NFKBIB: variants seen among roughly 807,000 people sequenced by gnomAD.
NFKBIB encodes the protein NF-kappa-B inhibitor beta.
Under a neutral mutation model 32.1 loss-of-function variants are expected in NFKBIB, and 16 were observed. The ratio of observed to expected loss-of-function variants is 0.50; its 90% CI spans 0.34 to 0.76. NFKBIB has a LOEUF of 0.76. Among genes scored for constraint, NFKBIB ranks in the 30% least tolerant of loss-of-function variants. NFKBIB has a pLI of 0.01. For synonymous variants in NFKBIB, 222 were observed against 219.5 expected (o/e 1.01, Z -0.10); for missense variants, 437 against 514.9 (o/e 0.85, Z 1.46).
At chr19:38,903,793 G>A (rs201606607) in intron 1 of NFKBIB, among the ~76,000 whole-genome samples, 1 of 151,840 alleles carries the variant, frequency 6.6e-6, no homozygotes, top group Non-Finnish European at 1.5e-5. Context: ...TCTTGAGGCC[G>A]GGCGCCGTGG....
intron 5 of NFKBIB, chr19:38,908,032 G>A (rs1216852209): frequency 1.0e-5 from 11 of 1,102,220 alleles, no homozygotes; most frequent in African/African-American, 4.9e-5. Context: ...TTTGAACACC[G>A]GCAGTGCTGG....
chr19:38,900,143 C>T lies in NFKBIB; in HGVS notation c.111C>T (p.Gly37=). Residue 37 remains glycine, a synonymous_variant, in exon 1 of 6, where the codon GGC becomes GGT. Transcript: ENST00000313582. ...DAAAPGGPGL[G]AELGPGLSWA... ...CGGCCCCCGGAGGACCTGGGTTGGGCGCGGAGTTGGGCCCGGGGCTGTCGT... is the reference window on the plus strand; with the variant it reads ...CGGCCCCCGGAGGACCTGGGTTGGGTGCGGAGTTGGGCCCGGGGCTGTCGT... 6.3e-7 allele frequency: 1 copy of T among 1,596,674 alleles called. No homozygotes were observed. The highest frequency in any genetic ancestry group is 8.5e-7 in the Non-Finnish European group (1 of 1,174,168).
chr19:38,899,782 G>A, upstream of NFKBIB: 3 of 674,584 alleles, frequency 4.4e-6, no homozygotes, highest in Non-Finnish European at 7.6e-6. Flanking sequence ...CCCAGAAGGC[G>A]TGGCGTCAGC....
At position 38,905,665 on chromosome 19, in the gene NFKBIB, C is replaced by G. The variant is rs1187781614; in HGVS notation, c.619+130C>G. ...GCCTAGGCTTCAGGAGCCCACACAT[C>G]GGGACCAGGGACCTCCACTCAGGGC... On this transcript the variant is annotated intron_variant, in intron 3 of 5. Coordinates refer to ENST00000313582, the MANE Select transcript of NFKBIB (RefSeq NM_002503.5). The surrounding 1 kb of genome is among the most constrained non-coding windows in gnomAD (Gnocchi z 5.5). The G allele has an allele frequency of 1.4e-5, 10 of 692,450 alleles. No individual in the cohort carries two copies. Among genetic ancestry groups the G allele is most frequent in the Admixed American group, 9.1e-5 (3 of 33,122 alleles). The allele number at this position is 692,450 out of a possible 1,614,324, so 42.9% of individuals were successfully genotyped here. A position where few individuals can be genotyped will look rare whatever the true frequency, so the allele number is the denominator to read the frequency against.
chr19:38,908,079 C>T, intron 5 of NFKBIB: 2 of 1,044,486 alleles, frequency 1.9e-6, no homozygotes, highest in Non-Finnish European at 1.2e-6. Context: ...GAGATATAGT[C>T]AGAGAACCCA....
chr19:38,907,230 C>G lies in NFKBIB; in HGVS notation c.629C>G (p.Pro210Arg). 6.2e-7 allele frequency: 1 copy of G among 1,612,456 alleles called. No individual in the cohort carries two copies. The highest frequency in any genetic ancestry group is 8.5e-7 in the Non-Finnish European group (1 of 1,179,020). ...ATCACTCTGTCCCCAGGCCACACCC[C>G]ACTCCACGTGGCCGTTATCCACAAA... is the stretch of plus-strand genomic sequence containing the variant. ...LEAENYEGHT[P>R]LHVAVIHKDV... The change falls in exon 4 of 6, where the codon CCA becomes CGA. Residue 210 changes from proline (P) to arginine (R), a missense_variant. Transcript: ENST00000313582.
chr19:38,902,081 A>ATTTTTTT (rs1220793422), intron 1 of NFKBIB, among the ~76,000 whole-genome samples: 1 of 56,462 alleles, frequency 1.8e-5, no homozygotes, highest in African/African-American at 5.4e-5. Context: ...TTTTCATTTT[A>ATTTTTTT]TTTCTTTTTT....
upstream of NFKBIB, chr19:38,899,882 C>G (rs199616015): frequency 9.6e-5 from 78 of 813,476 alleles, no homozygotes; most frequent in Non-Finnish European, 1.3e-4. Context: ...GGATGCAGTA[C>G]GAGGGCGGGG....
At chr19:38,907,937 G>A (rs1974196131) in intron 5 of NFKBIB, 7 of 1,291,172 alleles carry the variant, frequency 5.4e-6, no homozygotes, top group African/African-American at 4.5e-5. Context: ...AACACAGCGG[G>A]GGTGGGTGGT....
At position 38,908,507 on chromosome 19, in the gene NFKBIB, C is replaced by T. The variant is rs17881819; in HGVS notation, c.970-224C>T. ...TGAACCTAGATCACGCCACTGCATT[C>T]CAGCCTGGGCAACAGAGCGAGACTC... On this transcript the variant is annotated intron_variant, in intron 5 of 5. Coordinates refer to ENST00000313582, the MANE Select transcript of NFKBIB (RefSeq NM_002503.5). 8,340 of 1,247,576 alleles carry T rather than the reference C, an allele frequency of 6.7e-3. 58 individuals carry two copies. Among genetic ancestry groups the T allele is most frequent in the South Asian group, 0.016 (603 of 37,104 alleles). 77.3% of individuals were successfully genotyped at this position (1,247,576 alleles called of 1,614,324 possible).
chr19:38,899,751 C>A, upstream of NFKBIB: 1 of 713,186 alleles, frequency 1.4e-6, no homozygotes, highest in East Asian at 2.7e-5. Flanking sequence ...TAAGAAAGCG[C>A]GCGAGGACCG....
At chr19:38,906,130 CCTTT>C (rs1269718781) in intron 3 of NFKBIB, among the ~76,000 whole-genome samples, 1 of 133,562 alleles carries the variant, frequency 7.5e-6, no homozygotes, top group South Asian at 2.2e-4. Context: ...CTACTTGGTA[CCTTT>C]TTTTTTTTTT....
intron 1 of NFKBIB, among the ~76,000 whole-genome samples, chr19:38,902,528 AAC>A (rs1474629076): frequency 6.8e-6 from 1 of 148,022 alleles, no homozygotes; most frequent in Non-Finnish European, 1.5e-5. Flanking sequence ...TACATTTTTA[AAC>A]AGTTTCTAAA....
chr19:38,907,650 A>G lies in NFKBIB; in HGVS notation c.960A>G (p.Gly320=). Residue 320 remains glycine (G), a synonymous_variant, in exon 5 of 6, where the codon GGA becomes GGG. Transcript: ENST00000313582. ...GCAGCAGTAGCGACAGCGACAGCGG[A>G]GACGAGGGCGTGAGTCAGGAGGAGA... ...PCSSSSDSDS[G]DEGDEYDDIV... is the part of the protein sequence containing the mutation. The G allele has an allele frequency of 1.2e-6, 2 of 1,604,114 alleles. No individual in the cohort carries two copies. Among genetic ancestry groups the G allele is most frequent in the Non-Finnish European group, 1.7e-6 (2 of 1,175,832 alleles).
rs1265557676 is a variant in NFKBIB at position 38,900,065 on chromosome 19, C to T, written c.33C>T (p.Ala11=). 6.6e-7 allele frequency: 1 copy of T among 1,508,252 alleles called. No homozygotes were observed. The highest frequency in any genetic ancestry group is 1.3e-5 in the South Asian group (1 of 79,980). The allele number at this position is 1,508,252 out of a possible 1,614,324, so 93.4% of individuals were successfully genotyped here. A position where few individuals can be genotyped will look rare whatever the true frequency, so the allele number is the denominator to read the frequency against. The change falls in exon 1 of 6, where the codon GCC becomes GCT. Residue 11 remains alanine (A), a synonymous_variant. Transcript: ENST00000313582. The part of the protein sequence containing the change: MAGVACLGKA[A]DADEWCDSGL... Reference sequence around the variant, plus strand: ...GGGTCGCGTGCTTGGGAAAAGCTGCCGACGCAGATGAATGGTGCGACAGCG... The same window carrying T: ...GGGTCGCGTGCTTGGGAAAAGCTGCTGACGCAGATGAATGGTGCGACAGCG...
intron 5 of NFKBIB, 54 bp downstream of exon 5, chr19:38,907,713 C>T (rs748625293): frequency 7.3e-6 from 11 of 1,511,088 alleles, no homozygotes; most frequent in Non-Finnish European, 9.8e-6. Flanking sequence ...GATAGACCGG[C>T]AGGCAAGAAG....
chr19:38,905,012 C>T lies in NFKBIB; in HGVS notation c.180-3C>T, dbSNP rs554271339. 2 of 1,613,906 alleles carry T rather than the reference C, an allele frequency of 1.2e-6. No homozygotes were observed. The highest frequency in any genetic ancestry group is 1.1e-5 in the South Asian group (1 of 91,056). ...GCCCTCTCACCCCGGTCTTTGTCCC[C>T]AGGGCACTGCACTTGGCTGTGATTC... On this transcript the variant is annotated splice_polypyrimidine_tract_variant and splice_region_variant and intron_variant, in intron 1 of 5. Coordinates refer to ENST00000313582, the MANE Select transcript of NFKBIB (RefSeq NM_002503.5). This position sits in a 1 kb window ranked among gnomAD's most constrained non-coding sequence, Gnocchi z 5.5.
In NFKBIB at chr19:38,907,549, C is replaced by G. The variant is rs1053285727; in HGVS notation, c.859C>G (p.Pro287Ala). 6 of 1,612,424 alleles carry G rather than the reference C, an allele frequency of 3.7e-6. No individual in the cohort carries two copies. Among genetic ancestry groups the G allele is most frequent in the Non-Finnish European group, 2.5e-6 (3 of 1,179,684 alleles). ...PLGSAMLRPN[P>A]ILARLLRAHG... The stretch of plus-strand genomic sequence containing the variant: ...CGGCAGTGCCATGCTCCGGCCCAAC[C>G]CCATCCTCGCCCGCCTCCTCCGTGC... Residue 287 changes from proline (P) to alanine (A), a missense_variant, in exon 5 of 6, where the codon CCC becomes GCC. Transcript: ENST00000313582.
intron 1 of NFKBIB, among the ~76,000 whole-genome samples, chr19:38,901,226 TTTTCATTAAA>T (rs17886984): frequency 0.076 from 11,622 of 152,204 alleles, 1,314 homozygotes; most frequent in African/African-American, 0.25. Flanking sequence ...GTCTCGTTAA[TTTTCATTAAA>T]TTTCATTAAT....
Sources: gnomAD v4.1 joint callset for allele counts (sites outside exome capture counted in the v4.1 genomes callset) on GRCh38, gnomAD v4.1.1 for gene constraint, Gnocchi (gnomAD v3.1) non-coding constraint, MANE v1.5 for transcripts, NCBI Gene and HGNC (gene_info 2026-07-23, HGNC 2026-07-21) for gene names.